TC2N: variants seen among roughly 807,000 people sequenced by gnomAD.
The protein encoded by TC2N is tandem C2 domains, nuclear.
A neutral mutation model predicts 61.9 loss-of-function variants in TC2N; 51 were observed. The observed-to-expected ratio is 0.82, with a 90% CI of 0.66 to 1.04. TC2N has a LOEUF of 1.04. Among genes scored for constraint, TC2N ranks in the 50% least tolerant of loss-of-function variants. The pLI is 0.00. For missense variants in TC2N, 556 were observed against 566.7 expected, an observed-to-expected ratio of 0.98 and a Z score of 0.19; for synonymous variants, 204 against 192.6, an observed-to-expected ratio of 1.06 and a Z score of -0.49.
chr14:91,792,538 C>A lies in TC2N; in HGVS notation c.876G>T (p.Thr292=). ...EGSNAIEFME[T]FVFAIKLQNL... ...TTTGAAGTTTAATAGCAAATACAAA[C>A]GTTTCCATAAATTCAATAGCCTTAA... The change falls in exon 9 of 12, where the codon ACG becomes ACT. Residue 292 remains threonine, a synonymous_variant. Coordinates refer to ENST00000435962, the MANE Select transcript of TC2N (RefSeq NM_001128596.3). 6.4e-7 allele frequency: 1 copy of A among 1,555,404 alleles called. No individual in the cohort carries two copies. Among genetic ancestry groups the A allele is most frequent in the Non-Finnish European group, 8.7e-7 (1 of 1,144,730 alleles).
At chr14:91,783,249 A>C (rs769374364) in intron 11 of TC2N, 39 bp from the exon 12 acceptor site, 1 of 1,157,192 alleles carries the variant, frequency 8.6e-7, no homozygotes, top group African/African-American at 1.5e-5. Context: ...AACTTGACAC[A>C]ATAATAATAA....
At chr14:91,786,585 A>G (rs960954417) in intron 10 of TC2N, among the ~76,000 whole-genome samples, 1 of 152,128 alleles carries the variant, frequency 6.6e-6, no homozygotes, top group Non-Finnish European at 1.5e-5. Flanking sequence ...TTAAGATTCT[A>G]CTTTCAACTG....
intron 8 of TC2N, among the ~76,000 whole-genome samples, chr14:91,793,842 T>G (rs1373800998): frequency 6.6e-6 from 1 of 152,132 alleles, no homozygotes; most frequent in Admixed American, 6.6e-5. Context: ...GGAACAAACG[T>G]ACATCTCCGA....
At chr14:91,801,579 G>T (rs1369309865) in intron 4 of TC2N, among the ~76,000 whole-genome samples, 1 of 152,210 alleles carries the variant, frequency 6.6e-6, no homozygotes, top group Non-Finnish European at 1.5e-5. Flanking sequence ...GGGAGCTGAG[G>T]TGTGAGAATC....
intron 3 of TC2N, among the ~76,000 whole-genome samples, chr14:91,809,668 T>C (rs900026774): frequency 6.6e-6 from 1 of 152,148 alleles, no homozygotes; most frequent in African/African-American, 2.4e-5. Flanking sequence ...GCAGGGTATA[T>C]AAAACCCCAA....
In TC2N at chr14:91,783,059, A is replaced by G. The variant is rs552787790; in HGVS notation, c.*41T>C. ...GCAAATTGAAATCATAAGTCTTCTAAAAGAATGTCAAGTTCTTCACCAAAT... is the reference window on the plus strand; with the variant it reads ...GCAAATTGAAATCATAAGTCTTCTAGAAGAATGTCAAGTTCTTCACCAAAT... On this transcript the variant is annotated 3_prime_UTR_variant, in exon 12 of 12. Transcript: ENST00000435962. 9.2e-6 allele frequency: 12 copies of G among 1,302,518 alleles called. 1 individual carries two copies. In the East Asian group the frequency reaches 2.6e-4, roughly 28 times the overall value. 80.7% of individuals were successfully genotyped at this position (1,302,518 alleles called of 1,614,324 possible).
intron 8 of TC2N, among the ~76,000 whole-genome samples, chr14:91,796,227 G>GTAAGATCCCAATATATATATACAT (rs1262507132): frequency 2.6e-5 from 4 of 151,836 alleles, no homozygotes; most frequent in Non-Finnish European, 5.9e-5. Flanking sequence ...TTTTCATAAA[G>GTAAGATCCCAATATATATATACAT]TAAGATCCCA....
At chr14:91,821,881 G>C (rs1368731063) in intron 1 of TC2N, among the ~76,000 whole-genome samples, 1 of 151,860 alleles carries the variant, frequency 6.6e-6, no homozygotes, top group Non-Finnish European at 1.5e-5. Flanking sequence ...TCTACAAGTG[G>C]CCAAAAAGCA....
At chr14:91,846,033 C>T (rs1888263901) in intron 1 of TC2N, among the ~76,000 whole-genome samples, 1 of 152,168 alleles carries the variant, frequency 6.6e-6, no homozygotes, top group Non-Finnish European at 1.5e-5. Flanking sequence ...TTACCCTGGT[C>T]CACTTCAGAG....
intron 10 of TC2N, among the ~76,000 whole-genome samples, chr14:91,786,645 G>A (rs1219442932): frequency 6.6e-6 from 1 of 151,942 alleles, no homozygotes; most frequent in Non-Finnish European, 1.5e-5. Flanking sequence ...CAAATAAATC[G>A]GTATAGCTAT....
chr14:91,815,972 T>G (rs1886985409), intron 1 of TC2N, among the ~76,000 whole-genome samples: 1 of 151,808 alleles, frequency 6.6e-6, no homozygotes. Flanking sequence ...CATCAACTAC[T>G]TGTTCACTGT....
intron 5 of TC2N, 115 bp from the exon 6 acceptor site, chr14:91,799,179 G>T: frequency 6.9e-6 from 4 of 583,292 alleles, no homozygotes; most frequent in South Asian, 2.3e-5. Flanking sequence ...TTTTGACAGT[G>T]TTACAGGTCA....
intron 8 of TC2N, among the ~76,000 whole-genome samples, chr14:91,795,348 A>G (rs1173281325): frequency 6.6e-6 from 1 of 152,134 alleles, no homozygotes; most frequent in Non-Finnish European, 1.5e-5. Flanking sequence ...CTGTGGATAA[A>G]ATGCTATCAA....
intron 1 of TC2N, among the ~76,000 whole-genome samples, chr14:91,853,996 CAG>C (rs1321254958): frequency 6.6e-6 from 1 of 151,936 alleles, no homozygotes; most frequent in Non-Finnish European, 1.5e-5. Flanking sequence ...AGTCAAAATA[CAG>C]AGTTTTAAAA....
In TC2N at chr14:91,837,298, C is replaced by T. The variant is rs116211099; in HGVS notation, c.-56-23473G>A. 0.015 allele frequency among the ~76,000 whole-genome samples: 2,294 copies of T among 152,346 alleles called. 54 individuals carry two copies. The highest frequency in any genetic ancestry group is 0.05 in the African/African-American group (2,088 of 41,580). On this transcript the variant is annotated intron_variant, in intron 1 of 11. Transcript: ENST00000435962. The surrounding 1 kb of genome is among the most constrained non-coding windows in gnomAD (Gnocchi z 4.2). ...CGGTGCGCCCGTGGCTCAGTGCAGCCTCGACCTTCGGGGCTGAAGTGATCC... is the reference window on the plus strand; with the variant it reads ...CGGTGCGCCCGTGGCTCAGTGCAGCTTCGACCTTCGGGGCTGAAGTGATCC...
intron 3 of TC2N, among the ~76,000 whole-genome samples, chr14:91,803,913 C>A (rs145250981): frequency 6.6e-6 from 1 of 152,170 alleles, no homozygotes; most frequent in African/African-American, 2.4e-5. Context: ...CCAGGCCCGA[C>A]CCTGCTTAGC....
chr14:91,813,589 T>G lies in TC2N; in HGVS notation c.67+114A>C. 3 of 684,956 alleles carry G rather than the reference T, an allele frequency of 4.4e-6. No individual in the cohort carries two copies. The South Asian group carries it at 5.4e-5, about 12-fold the overall frequency. The allele number at this position is 684,956 out of a possible 1,614,324, so 42.4% of individuals were successfully genotyped here. A position where few individuals can be genotyped will look rare whatever the true frequency, so the allele number is the denominator to read the frequency against. On this transcript the variant is annotated intron_variant, in intron 2 of 11. Coordinates refer to ENST00000435962, the MANE Select transcript of TC2N (RefSeq NM_001128596.3). ...TATGGAATATTTACTTAGTGTGCCT[T>G]ATGTTTCTGCCTCCCCTAAGAAGTT...
chr14:91,809,415 C>G (rs1448230515), intron 3 of TC2N, among the ~76,000 whole-genome samples: 1 of 151,974 alleles, frequency 6.6e-6, no homozygotes, highest in African/African-American at 2.4e-5. Flanking sequence ...CTCAAAAAAA[C>G]AAATTTTAAT....
chr14:91,866,945 T>C (rs1313754286), intron 1 of TC2N, among the ~76,000 whole-genome samples: 1 of 152,182 alleles, frequency 6.6e-6, no homozygotes, highest in Non-Finnish European at 1.5e-5. Flanking sequence ...CTGGACTGTT[T>C]TTCTCTTAAT....
Sources: gnomAD v4.1 joint callset for allele counts (sites outside exome capture counted in the v4.1 genomes callset) on GRCh38, gnomAD v4.1.1 for gene constraint, Gnocchi (gnomAD v3.1) non-coding constraint, MANE v1.5 for transcripts, NCBI Gene and HGNC (gene_info 2026-07-23, HGNC 2026-07-21) for gene names.